Variants in DEPDC1B observed in about 807,000 individuals in gnomAD.
DEPDC1B encodes the protein DEP domain-containing protein 1B.
In DEPDC1B, 51 loss-of-function variants were observed where a neutral mutation model predicts 66.5. The observed-to-expected ratio is 0.77, with a 90% CI of 0.61 to 0.97. The LOEUF (loss-of-function observed/expected upper bound fraction) is 0.97, where lower values mean the gene tolerates loss of function less well. Among genes scored for constraint, DEPDC1B ranks in the 50% least tolerant of loss-of-function variants. The pLI is 0.00. For missense variants in DEPDC1B, 552 were observed against 637.1 expected (o/e 0.87, Z 1.44); for synonymous variants, 226 against 223.6 (o/e 1.01, Z -0.10).
intron 8 of DEPDC1B, among the ~76,000 whole-genome samples, chr5:60,605,097 T>C (rs1169135105): frequency 3.3e-5 from 5 of 152,168 alleles, no homozygotes; most frequent in African/African-American, 7.2e-5. Context: ...ATAAACTCTC[T>C]TTAAAAACAT....
At position 60,700,137 on chromosome 5, in the gene DEPDC1B, C is replaced by A; in HGVS notation, c.-44G>T. On this transcript the variant is annotated 5_prime_UTR_variant, in exon 1 of 11. Transcript: ENST00000265036. ...GCCGCAGCCGCGCCAGCGCTGATCC[C>A]CGCCAGCCGGAGGAGCAGCAGTTTG... 1.3e-6 allele frequency: 2 copies of A among 1,528,118 alleles called. No homozygotes were observed. The highest frequency in any genetic ancestry group is 2.2e-4 in the Middle Eastern group (1 of 4,606). 94.7% of individuals were successfully genotyped at this position (1,528,118 alleles called of 1,614,324 possible).
At chr5:60,613,314 G>C (rs1034245612) in intron 7 of DEPDC1B, among the ~76,000 whole-genome samples, 1 of 152,190 alleles carries the variant, frequency 6.6e-6, no homozygotes, top group Non-Finnish European at 1.5e-5. Flanking sequence ...TATTCAACAG[G>C]AAGATGATGA....
At chr5:60,621,483 A>G (rs1752700185) in intron 7 of DEPDC1B, among the ~76,000 whole-genome samples, 1 of 151,830 alleles carries the variant, frequency 6.6e-6, no homozygotes, top group African/African-American at 2.4e-5. Context: ...TCATTGAACA[A>G]TGAGAACACT....
chr5:60,632,069 A>G (rs1426047689), intron 7 of DEPDC1B, among the ~76,000 whole-genome samples: 1 of 152,172 alleles, frequency 6.6e-6, no homozygotes, highest in Non-Finnish European at 1.5e-5. Flanking sequence ...GAAATAACCT[A>G]TATAAAGGAC....
chr5:60,640,673 G>A (rs574502521), intron 6 of DEPDC1B, among the ~76,000 whole-genome samples: 47 of 152,302 alleles, frequency 3.1e-4, no homozygotes, highest in South Asian at 1.0e-3. Flanking sequence ...ACAGGCCCAT[G>A]TGCACACGGG....
In DEPDC1B at chr5:60,603,281, A is replaced by G. The variant is rs929786420; in HGVS notation, c.1242+110T>C. On this transcript the variant is annotated intron_variant, in intron 9 of 10. Coordinates refer to ENST00000265036, the MANE Select transcript of DEPDC1B (RefSeq NM_018369.3). ...TGCCAAGACCTGTTGTAAGTACTTT[A>G]TAAACATTAATTCACTTAATCCTCA... The G allele has an allele frequency of 3.9e-4, 403 of 1,026,536 alleles. 2 individuals carry two copies. The highest frequency in any genetic ancestry group is 9.2e-5 in the Non-Finnish European group (69 of 752,996). 63.6% of individuals were successfully genotyped at this position (1,026,536 alleles called of 1,614,324 possible). A position where few individuals can be genotyped will look rare whatever the true frequency, so the allele number is the denominator to read the frequency against.
chr5:60,687,370 C>T lies in DEPDC1B; in HGVS notation c.49-143G>A, dbSNP rs1177334606. 3 of 1,075,982 alleles carry T rather than the reference C, an allele frequency of 2.8e-6. No individual in the cohort carries two copies. The South Asian group carries it at 5.1e-5, about 18-fold the overall frequency. 66.7% of individuals were successfully genotyped at this position (1,075,982 alleles called of 1,614,324 possible). A position where few individuals can be genotyped will look rare whatever the true frequency, so the allele number is the denominator to read the frequency against. The stretch of plus-strand genomic sequence containing the variant: ...TAGAGCCTTGAAAATGTTTTATTTA[C>T]AGGCTTCAAACTCTAATAAAGAAAA... On this transcript the variant is annotated intron_variant, in intron 1 of 10. Coordinates refer to ENST00000265036, the MANE Select transcript of DEPDC1B (RefSeq NM_018369.3).
intron 2 of DEPDC1B, among the ~76,000 whole-genome samples, chr5:60,653,653 C>T (rs969322378): frequency 2.6e-5 from 4 of 152,090 alleles, no homozygotes; most frequent in African/African-American, 7.2e-5. Flanking sequence ...GTTGCATTTA[C>T]TTTTGGGTTC....
intron 2 of DEPDC1B, among the ~76,000 whole-genome samples, chr5:60,680,896 C>T (rs1754282065): frequency 6.6e-6 from 1 of 152,224 alleles, no homozygotes; most frequent in African/African-American, 2.4e-5. Flanking sequence ...GGCAGCCTGG[C>T]ATAGGCTTCA....
intron 9 of DEPDC1B, among the ~76,000 whole-genome samples, 171 bp downstream of exon 9, chr5:60,603,220 C>T (rs1421428173): frequency 1.3e-5 from 2 of 152,152 alleles, no homozygotes; most frequent in African/African-American, 2.4e-5. Flanking sequence ...GTAAACTTTT[C>T]AATGATAATA....
chr5:60,694,228 T>C (rs1463253873), intron 1 of DEPDC1B, among the ~76,000 whole-genome samples: 3 of 152,172 alleles, frequency 2.0e-5, no homozygotes, highest in African/African-American at 7.2e-5. Context: ...AAAAATGAGA[T>C]CAATCATGTT....
intron 6 of DEPDC1B, among the ~76,000 whole-genome samples, chr5:60,641,517 G>A (rs1003433857): frequency 2.6e-5 from 4 of 151,740 alleles, no homozygotes; most frequent in South Asian, 2.1e-4. Context: ...TAGTAGAGAC[G>A]GAGTTTCACC....
chr5:60,664,154 C>G (rs190460478), intron 2 of DEPDC1B, among the ~76,000 whole-genome samples: 4 of 152,146 alleles, frequency 2.6e-5, no homozygotes, highest in Non-Finnish European at 4.4e-5. Context: ...AGCTTGCCAA[C>G]GGGGCAAGAC....
intron 2 of DEPDC1B, among the ~76,000 whole-genome samples, chr5:60,671,376 C>T (rs1008672489): frequency 2.6e-5 from 4 of 152,196 alleles, no homozygotes; most frequent in African/African-American, 9.7e-5. Flanking sequence ...CTCACATTTC[C>T]CTCCAAGAAG....
intron 2 of DEPDC1B, among the ~76,000 whole-genome samples, chr5:60,667,980 TAA>T (rs1191338060): frequency 1.7e-5 from 2 of 118,338 alleles, no homozygotes; most frequent in East Asian, 2.7e-4. Context: ...TTTATATATA[TAA>T]AATGGATATT....
At chr5:60,672,464 AAAG>A (rs1280596090) in intron 2 of DEPDC1B, among the ~76,000 whole-genome samples, 1 of 152,192 alleles carries the variant, frequency 6.6e-6, no homozygotes, top group Non-Finnish European at 1.5e-5. Context: ...GAAAGAGCGC[AAAG>A]GGGAAAGTGC....
chr5:60,621,803 T>G (rs1339185689), intron 7 of DEPDC1B, among the ~76,000 whole-genome samples: 1 of 152,234 alleles, frequency 6.6e-6, no homozygotes, highest in Non-Finnish European at 1.5e-5. Flanking sequence ...CTACTTTCTT[T>G]TCTTAGTAAT....
chr5:60,667,688 A>AAAAAG (rs1177435498), intron 2 of DEPDC1B, among the ~76,000 whole-genome samples: 1 of 144,614 alleles, frequency 6.9e-6, no homozygotes, highest in African/African-American at 2.5e-5. Context: ...CATGTATATA[A>AAAAAG]TGGATATTTT....
chr5:60,613,135 A>G (rs1752458109), intron 7 of DEPDC1B, among the ~76,000 whole-genome samples: 2 of 152,216 alleles, frequency 1.3e-5, no homozygotes, highest in South Asian at 4.1e-4. Context: ...TGCATAACAA[A>G]AACACATTTT....
Sources: gnomAD v4.1 joint callset for allele counts (sites outside exome capture counted in the v4.1 genomes callset) on GRCh38, gnomAD v4.1.1 for gene constraint, MANE v1.5 for transcripts, NCBI Gene and HGNC (gene_info 2026-07-23, HGNC 2026-07-21) for gene names.